TBXA2R: variants seen among roughly 807,000 people sequenced by gnomAD.
TBXA2R encodes thromboxane A2 receptor.
In TBXA2R, 15 loss-of-function variants were observed where a neutral mutation model predicts 15.6. The observed-to-expected ratio is 0.96, with a 90% CI of 0.64 to 1.48. The LOEUF is 1.48. Ranked by LOEUF, TBXA2R falls within the 40% of genes most tolerant of loss-of-function variation. TBXA2R has a pLI of 0.00. For synonymous variants in TBXA2R, 280 were observed against 241.2 expected, an observed-to-expected ratio of 1.16 and a Z score of -1.49; for missense variants, 506 against 491.4, an observed-to-expected ratio of 1.03 and a Z score of -0.28.
intron 2 of TBXA2R, chr19:3,597,990 G>A (rs2032635194): frequency 6.6e-6 from 1 of 152,200 alleles, no homozygotes; most frequent in Non-Finnish European, 1.5e-5. Context: ...AGGTCCTGTA[G>A]GCTGAATGAA....
chr19:3,602,585 C>A (rs977654180), intron 1 of TBXA2R, among the ~76,000 whole-genome samples: 1 of 151,240 alleles, frequency 6.6e-6, no homozygotes, highest in Middle Eastern at 3.2e-3. Flanking sequence ...AATAAAAATA[C>A]AAAAATTAGC....
intron 1 of TBXA2R, among the ~76,000 whole-genome samples, chr19:3,603,973 C>A (rs1451109676): frequency 6.6e-6 from 1 of 152,178 alleles, no homozygotes; most frequent in East Asian, 1.9e-4. Flanking sequence ...ACTGTCCCTC[C>A]CTGTGTCTGG....
rs1172668516 is a variant in TBXA2R, at chr19:3,595,072, T to TC, written c.*615dup. ...TCCAGGCTGGGCCACAGAGTGAGAC[T>TC]CCGTCTAAAAAAAAAAAAAAAAATG... is the stretch of plus-strand genomic sequence containing the variant. On this transcript the variant is annotated 3_prime_UTR_variant, in exon 3 of 3. Transcript: ENST00000375190. The TC allele has an allele frequency of 4.5e-6, 3 of 664,010 alleles. No individual in the cohort carries two copies. In the South Asian group the frequency reaches 5.5e-5, roughly 12 times the overall value. 41.1% of individuals were successfully genotyped at this position (664,010 alleles called of 1,614,324 possible).
rs1400274289 is a variant in TBXA2R, at chr19:3,594,871, G to T, written c.*817C>A. The T allele has an allele frequency of 2.0e-6, 3 of 1,536,904 alleles. No individual in the cohort carries two copies. The highest frequency in any genetic ancestry group is 1.7e-6 in the Non-Finnish European group (2 of 1,146,830). ...CTGGACAGAGCCTTCCCTGTTGGAG[G>T]TTCAAAAGGAAGCAACTGTACCCCA... On this transcript the variant is annotated 3_prime_UTR_variant, in exon 3 of 3. Coordinates refer to ENST00000375190, the MANE Select transcript of TBXA2R (RefSeq NM_001060.6).
intron 1 of TBXA2R, among the ~76,000 whole-genome samples, 188 bp downstream of exon 1, chr19:3,606,326 ACCCAGCCGCCTGGGCG>A (rs1053926557): frequency 6.6e-6 from 1 of 152,010 alleles, no homozygotes; most frequent in African/African-American, 2.4e-5. Flanking sequence ...CCGCACCCAG[ACCCAGCCGCCTGGGCG>A]CCCAGGGCAG....
At position 3,595,934 on chromosome 19, in the gene TBXA2R, C is replaced by T. The variant is rs1405303619; in HGVS notation, c.787-1G>A. ...GCAGCACTGTCTGGGCGATGAAGAC[C>T]TGCAAAGGGGAGAGCTGTCAGCCTG... On this transcript the variant is annotated splice_acceptor_variant, in intron 2 of 2. Transcript: ENST00000375190. LOFTEE classifies it high-confidence loss of function. 22 of 1,586,250 alleles carry T rather than the reference C, an allele frequency of 1.4e-5. No homozygotes were observed. The highest frequency in any genetic ancestry group is 1.9e-5 in the Non-Finnish European group (22 of 1,167,882).
intron 2 of TBXA2R, among the ~76,000 whole-genome samples, chr19:3,598,617 G>A (rs770720687): frequency 1.3e-5 from 2 of 151,666 alleles, no homozygotes; most frequent in Non-Finnish European, 2.9e-5. Context: ...CTCTCAAAGC[G>A]CTGGGATTAC....
chr19:3,604,534 T>C (rs1389436815), intron 1 of TBXA2R, among the ~76,000 whole-genome samples: 1 of 151,806 alleles, frequency 6.6e-6, no homozygotes, highest in African/African-American at 2.4e-5. Context: ...TCTCAACAAG[T>C]CCCCTCTCCT....
At chr19:3,596,823 T>C (rs1161599831) in intron 2 of TBXA2R, among the ~76,000 whole-genome samples, 1 of 150,938 alleles carries the variant, frequency 6.6e-6, no homozygotes, top group Non-Finnish European at 1.5e-5. Flanking sequence ...CCTTGTGATC[T>C]GCCCTCCTCG....
intron 1 of TBXA2R, among the ~76,000 whole-genome samples, chr19:3,601,533 A>C (rs540659726): frequency 2.6e-5 from 4 of 151,942 alleles, no homozygotes; most frequent in East Asian, 1.9e-4. Context: ...AAAAAAAAAA[A>C]AACCAACCAA....
rs1480778125 is a variant in TBXA2R, at chr19:3,600,242, G to C, written c.393C>G (p.Tyr131Ter). ...LLGAAMASER[Y>*]LGITRPFSRP... ...GCGAGAAGGGCCGGGTGATACCCAG[G>C]TAGCGCTCTGAGGCCATGGCGGCCC... Residue 131 changes from tyrosine to a stop codon, truncating the protein, a stop_gained, in exon 2 of 3, where the codon TAC becomes TAG. Coordinates refer to ENST00000375190, the MANE Select transcript of TBXA2R (RefSeq NM_001060.6). LOFTEE classifies it high-confidence loss of function. 8 of 1,611,600 alleles carry C rather than the reference G, an allele frequency of 5.0e-6. No homozygotes were observed. The South Asian group carries it at 8.8e-5, about 18-fold the overall frequency.
Position 3,599,759 on chromosome 19 carries a change from G to T in TBXA2R, c.786+90C>A, listed in dbSNP as rs1434039088. ...TGGGATTACCGGCGTGAGCCACCGC[G>T]CCCGGTCCCACCATCAGGATCTAAA... On this transcript the variant is annotated intron_variant, in intron 2 of 2. Coordinates refer to ENST00000375190, the MANE Select transcript of TBXA2R (RefSeq NM_001060.6). 16 of 1,530,506 alleles carry T rather than the reference G, an allele frequency of 1.0e-5. No individual in the cohort carries two copies. In the East Asian group the frequency reaches 2.7e-4, roughly 26 times the overall value. The allele number at this position is 1,530,506 out of a possible 1,614,324, so 94.8% of individuals were successfully genotyped here.
chr19:3,600,157 C>T lies in TBXA2R; in HGVS notation c.478G>A (p.Ala160Thr), dbSNP rs5749. The change falls in exon 2 of 3, where the codon GCG (alanine) becomes ACG (threonine). Residue 160 changes from alanine (A) to threonine (T), a missense_variant. Coordinates refer to ENST00000375190, the MANE Select transcript of TBXA2R (RefSeq NM_001060.6). Reference sequence around the variant, plus strand: ...AGGGGCAGCAGGCCCAGCGCCAGCGCGGCCGCCCACACCAGCCCCACGGTG... The same window carrying T: ...AGGGGCAGCAGGCCCAGCGCCAGCGTGGCCGCCCACACCAGCCCCACGGTG... ...WATVGLVWAAALALGLLPLLG... is the reference protein window; with the variant it reads ...WATVGLVWAATLALGLLPLLG... 231 of 1,602,478 alleles carry T rather than the reference C, an allele frequency of 1.4e-4. 1 individual carries two copies. The African/African-American group carries it at 2.7e-3, about 19-fold the overall frequency.
At chr19:3,599,477 C>T (rs1472445600) in intron 2 of TBXA2R, among the ~76,000 whole-genome samples, 1 of 152,118 alleles carries the variant, frequency 6.6e-6, no homozygotes, top group Non-Finnish European at 1.5e-5. Flanking sequence ...CTACAGGTGC[C>T]TGCCACCACG....
chr19:3,600,246 C>A lies in TBXA2R; in HGVS notation c.389G>T (p.Arg130Leu), dbSNP rs763498678. 3 of 1,611,536 alleles carry A rather than the reference C, an allele frequency of 1.9e-6. No homozygotes were observed. The Admixed American group carries it at 5.0e-5, about 27-fold the overall frequency. ...GAAGGGCCGGGTGATACCCAGGTAG[C>A]GCTCTGAGGCCATGGCGGCCCCCAG... Reference protein sequence around the residue: ...LLLGAAMASERYLGITRPFSR... With the variant: ...LLLGAAMASELYLGITRPFSR... The change falls in exon 2 of 3, where the codon CGC becomes CTC. Residue 130 changes from arginine (R) to leucine (L), a missense_variant. By Grantham distance (102) the Arg-to-Leu change is moderately radical (BLOSUM62 -2). Transcript: ENST00000375190.
intron 1 of TBXA2R, among the ~76,000 whole-genome samples, chr19:3,604,301 T>C (rs2238631): frequency 0.83 from 126,809 of 152,030 alleles, 53,493 homozygotes; most frequent in African/African-American, 0.96. Flanking sequence ...TGACAGGGTA[T>C]CCGGCTTGCA....
intron 2 of TBXA2R, 122 bp downstream of exon 2, chr19:3,599,727 A>C (rs960128379): frequency 4.9e-6 from 7 of 1,423,920 alleles, no homozygotes; most frequent in Non-Finnish European, 6.7e-6. Context: ...TCAGCCTCCC[A>C]GAGTTCTGGG....
intron 1 of TBXA2R, among the ~76,000 whole-genome samples, chr19:3,602,664 C>G (rs1036932363): frequency 1.3e-5 from 2 of 150,612 alleles, no homozygotes; most frequent in Non-Finnish European, 3.0e-5. Flanking sequence ...CGCTTGAACC[C>G]GACAGGGGAA....
intron 1 of TBXA2R, among the ~76,000 whole-genome samples, chr19:3,603,413 C>T (rs966141938): frequency 2.6e-5 from 4 of 152,306 alleles, no homozygotes; most frequent in South Asian, 2.1e-4. Flanking sequence ...GGGTTCCTCG[C>T]GGCCTCTGGC....
Sources: allele counts gnomAD v4.1 joint callset (sites outside exome capture counted in the v4.1 genomes callset), GRCh38; gene constraint gnomAD v4.1.1; transcripts MANE v1.5; gene names NCBI Gene and HGNC (gene_info 2026-07-23, HGNC 2026-07-21).